AHR: variants seen among roughly 807,000 people sequenced by gnomAD.
AHR encodes the protein AH-receptor.
Under a neutral mutation model 86.8 loss-of-function variants are expected in AHR, and 40 were observed. The ratio of observed to expected loss-of-function variants is 0.46; its 90% confidence interval spans 0.36 to 0.60. The LOEUF (loss-of-function observed/expected upper bound fraction) is 0.60, where lower values mean the gene tolerates loss of function less well. AHR is among the 20% of genes least tolerant of loss of function. The pLI, the probability that AHR is intolerant of heterozygous loss-of-function variation, is 0.00. For missense variants in AHR, 1,001 were observed against 1,011.6 expected (o/e 0.99, Z 0.14); for synonymous variants, 398 against 354.9 (o/e 1.12, Z -1.37).
At chr7:17,327,686 TA>T in intron 3 of AHR, 72 bp from the exon 4 acceptor site, 2 of 791,168 alleles carry the variant, frequency 2.5e-6, no homozygotes, top group South Asian at 2.4e-5. Flanking sequence ...TTTTCAGAGA[TA>T]AAAGTAATAA....
chr7:17,317,116 G>GTTTTT lies in AHR; in HGVS notation c.254-5372_254-5368dup, dbSNP rs66779121. On this transcript the variant is annotated intron_variant, in intron 2 of 10. Coordinates refer to ENST00000242057, the MANE Select transcript of AHR (RefSeq NM_001621.5). ...TTCACTTGTTTTAGTGGAGAATTTT[G>GTTTTT]TTTTTTTTTTTTTTTTTGAATATGC... is the stretch of plus-strand genomic sequence containing the variant. Among the ~76,000 whole-genome samples, 29 of 123,672 alleles carry GTTTTT rather than the reference G, an allele frequency of 2.3e-4. 1 individual carries two copies. The highest frequency in any genetic ancestry group is 2.6e-4 in the South Asian group (1 of 3,912). 81.1% of individuals were successfully genotyped at this position (123,672 alleles called of 152,430 possible). A position where few individuals can be genotyped will look rare whatever the true frequency, so the allele number is the denominator to read the frequency against.
At chr7:17,337,255 G>A (rs1291540358) in intron 9 of AHR, among the ~76,000 whole-genome samples, 4 of 151,898 alleles carry the variant, frequency 2.6e-5, no homozygotes, top group Admixed American at 1.3e-4. Flanking sequence ...CTTATTTTAT[G>A]ATCTAATACA....
chr7:17,307,018 T>C (rs547295144), intron 1 of AHR, among the ~76,000 whole-genome samples: 1 of 152,250 alleles, frequency 6.6e-6, no homozygotes, highest in African/African-American at 2.4e-5. Context: ...GGAAATTTGC[T>C]CTCATGTTAA....
intron 4 of AHR, among the ~76,000 whole-genome samples, chr7:17,329,220 T>G (rs1210475869): frequency 6.6e-6 from 1 of 151,972 alleles, no homozygotes; most frequent in African/African-American, 2.4e-5. Context: ...ATCAAACTGT[T>G]TTTTAGTTGT....
chr7:17,342,896 G>C (rs183286969), intron 10 of AHR, 25 bp from the exon 11 acceptor site: 2 of 1,606,754 alleles, frequency 1.2e-6, no homozygotes, highest in African/African-American at 1.3e-5. Flanking sequence ...ATTCCAATAA[G>C]TTGCATCACC....
At position 17,309,938 on chromosome 7, in the gene AHR, T is replaced by A; in HGVS notation, c.68T>A (p.Val23Glu). The A allele has an allele frequency of 6.4e-7, 1 of 1,568,772 alleles. No homozygotes were observed. Residue 23 changes from valine (V) to glutamate (E), a missense_variant and splice_region_variant, in exon 2 of 11, where the codon GTA becomes GAA. Transcript: ENST00000242057. ...ATGGTATTTTGTTTGTTTTTCAGAGTAAAGCCAATCCCAGCTGAAGGAATC... is the reference window on the plus strand; with the variant it reads ...ATGGTATTTTGTTTGTTTTTCAGAGAAAAGCCAATCCCAGCTGAAGGAATC... ...RKRRKPVQKT[V>E]KPIPAEGIKS... is the part of the protein sequence containing the mutation.
At chr7:17,304,872 T>TA (rs1463386692) in intron 1 of AHR, among the ~76,000 whole-genome samples, 3 of 152,028 alleles carry the variant, frequency 2.0e-5, no homozygotes, top group African/African-American at 7.2e-5. Flanking sequence ...GTGATTCTGG[T>TA]AAGGCAGATA....
intron 1 of AHR, among the ~76,000 whole-genome samples, chr7:17,303,985 T>C (rs1431592682): frequency 6.6e-6 from 1 of 152,106 alleles, no homozygotes; most frequent in Non-Finnish European, 1.5e-5. Context: ...CATGGTTATG[T>C]ATAGGAGAAG....
Position 17,345,955 on chromosome 7 carries a change from C to T in AHR, c.*2891C>T, listed in dbSNP as rs186564580. ...ACCAGTATTCTAGTGTATTATGAAG[C>T]TTTCAACATTACTATGCACAAACTA... On this transcript the variant is annotated 3_prime_UTR_variant, in exon 11 of 11. Coordinates refer to ENST00000242057, the MANE Select transcript of AHR (RefSeq NM_001621.5). 1 of 152,810 alleles carries T rather than the reference C, an allele frequency of 6.5e-6. No individual in the cohort carries two copies. The highest frequency in any genetic ancestry group is 1.9e-4 in the East Asian group (1 of 5,330). 9.5% of individuals were successfully genotyped at this position (152,810 alleles called of 1,614,324 possible).
At chr7:17,309,265 T>C (rs542914825) in intron 1 of AHR, among the ~76,000 whole-genome samples, 3 of 152,322 alleles carry the variant, frequency 2.0e-5, no homozygotes, top group African/African-American at 7.2e-5. Context: ...ATTGTCTACA[T>C]GTAAAAGCAA....
In AHR at chr7:17,335,695, A is replaced by G; in HGVS notation, c.1069A>G (p.Asn357Asp). Reference protein sequence around the residue: ...GMIVFRLLTKNNRWTWVQSNA... With the variant: ...GMIVFRLLTKDNRWTWVQSNA... ...GATAGTTTTCCGGCTTCTTACAAAA[A>G]ACAACCGATGGACTTGGGTCCAGTC... The change falls in exon 9 of 11, where the codon AAC becomes GAC. Residue 357 changes from asparagine to aspartate, a missense_variant. This residue lies in a region of AHR where 394 missense variants were observed against 468.5 expected (regional missense o/e 0.84). Transcript: ENST00000242057. The G allele has an allele frequency of 6.2e-7, 1 of 1,605,438 alleles. No homozygotes were observed. Among genetic ancestry groups the G allele is most frequent in the East Asian group, 2.2e-5 (1 of 44,698 alleles).
rs551676592 is a variant in AHR, at chr7:17,302,917, G to A, written c.65+3588G>A. On this transcript the variant is annotated intron_variant, in intron 1 of 10. Coordinates refer to ENST00000242057, the MANE Select transcript of AHR (RefSeq NM_001621.5). ...TTATCACAGAACAATCAATTCGCCC[G>A]TGAAACAGTAAGAGGCAGTATACGA... Among the ~76,000 whole-genome samples the A allele has an allele frequency of 7.9e-5, 12 of 151,980 alleles. No individual in the cohort carries two copies. The South Asian group carries it at 2.3e-3, about 29-fold the overall frequency.
chr7:17,330,482 T>C (rs1185084803), intron 5 of AHR, among the ~76,000 whole-genome samples: 1 of 151,922 alleles, frequency 6.6e-6, no homozygotes, highest in East Asian at 1.9e-4. Flanking sequence ...TTTGGAAATT[T>C]GTTAAAGTGT....
rs1782270633 is a variant in AHR at position 17,330,052 on chromosome 7, C to G, written c.551C>G (p.Thr184Arg). 6.2e-7 allele frequency: 1 copy of G among 1,610,376 alleles called. No homozygotes were observed. Among genetic ancestry groups the G allele is most frequent in the Non-Finnish European group, 8.5e-7 (1 of 1,177,684 alleles). Residue 184 changes from threonine (T) to arginine (R), a missense_variant, in exon 5 of 11, where the codon ACA (threonine) becomes AGA (arginine). Transcript: ENST00000242057. ...LHWALNPSQC[T>R]ESGQGIEEAT... ...TGGGCATTAAATCCTTCTCAGTGTA[C>G]AGAGTCTGGACAAGGAATTGAAGGT... is the stretch of plus-strand genomic sequence containing the variant.
intron 1 of AHR, among the ~76,000 whole-genome samples, chr7:17,309,200 C>A (rs915033744): frequency 6.6e-6 from 1 of 152,002 alleles, no homozygotes; most frequent in Non-Finnish European, 1.5e-5. Flanking sequence ...TTTAGGGTTC[C>A]GTTGAACTTT....
chr7:17,310,124 G>A lies in AHR; in HGVS notation c.253+1G>A. 1 of 1,612,402 alleles carries A rather than the reference G, an allele frequency of 6.2e-7. No homozygotes were observed. Among genetic ancestry groups the A allele is most frequent in the Non-Finnish European group, 8.5e-7 (1 of 1,178,644 alleles). On this transcript the variant is annotated splice_donor_variant, in intron 2 of 10. Coordinates refer to ENST00000242057, the MANE Select transcript of AHR (RefSeq NM_001621.5). LOFTEE classifies it high-confidence loss of function. ...CTGAGAGCCAAGAGCTTCTTTGATGGTAAGACAGAAGGGTTTAATTTGTCT... is the reference window on the plus strand; with the variant it reads ...CTGAGAGCCAAGAGCTTCTTTGATGATAAGACAGAAGGGTTTAATTTGTCT...
Position 17,339,711 on chromosome 7 carries a change from AAGT to A in AHR, c.1893_1895del (p.Val632del), listed in dbSNP as rs778350893. 6.2e-6 allele frequency: 10 copies of A among 1,614,202 alleles called. No individual in the cohort carries two copies. The highest frequency in any genetic ancestry group is 8.5e-6 in the Non-Finnish European group (10 of 1,180,032). Reference sequence around the variant, plus strand: ...CAGCAACAGCAACATCACCAAAAGCAAGTAGTAGTGGAGCCACAGCAACAGCTG... The same window carrying A: ...CAGCAACAGCAACATCACCAAAAGCAAGTAGTGGAGCCACAGCAACAGCTG... On this transcript the variant is annotated inframe_deletion, in exon 10 of 11. Transcript: ENST00000242057.
chr7:17,345,646 C>A lies in AHR; in HGVS notation c.*2582C>A, dbSNP rs1803079. On this transcript the variant is annotated 3_prime_UTR_variant, in exon 11 of 11. Transcript: ENST00000242057. Reference sequence around the variant, plus strand: ...TTTAGTGGAAAATAGGCTTTTTAATCATGAATATGATGACAATCAGTTATA... The same window carrying A: ...TTTAGTGGAAAATAGGCTTTTTAATAATGAATATGATGACAATCAGTTATA... 6.6e-6 allele frequency: 1 copy of A among 152,434 alleles called. No individual in the cohort carries two copies. The highest frequency in any genetic ancestry group is 2.1e-4 in the South Asian group (1 of 4,812). 9.4% of individuals were successfully genotyped at this position (152,434 alleles called of 1,614,324 possible).
rs66779121 is a variant in AHR, at chr7:17,317,116, GTTTTTT to G, written c.254-5373_254-5368del. On this transcript the variant is annotated intron_variant, in intron 2 of 10. Coordinates refer to ENST00000242057, the MANE Select transcript of AHR (RefSeq NM_001621.5). Reference sequence around the variant, plus strand: ...TTCACTTGTTTTAGTGGAGAATTTTGTTTTTTTTTTTTTTTTTGAATATGCATAAGG... The same window carrying G: ...TTCACTTGTTTTAGTGGAGAATTTTGTTTTTTTTTTTGAATATGCATAAGG... Among the ~76,000 whole-genome samples, 9 of 123,684 alleles carry G rather than the reference GTTTTTT, an allele frequency of 7.3e-5. 1 individual carries two copies. The highest frequency in any genetic ancestry group is 2.7e-4 in the African/African-American group (9 of 33,106). 81.1% of individuals were successfully genotyped at this position (123,684 alleles called of 152,430 possible). A position where few individuals can be genotyped will look rare whatever the true frequency, so the allele number is the denominator to read the frequency against.
Sources: gnomAD v4.1 joint callset for allele counts (sites outside exome capture counted in the v4.1 genomes callset) on GRCh38, gnomAD v4.1.1 for gene constraint, gnomAD v4.1.1 regional missense constraint, MANE v1.5 for transcripts, NCBI Gene and HGNC (gene_info 2026-07-23, HGNC 2026-07-21) for gene names.